NUP88: variants seen among roughly 807,000 people sequenced by gnomAD.
The protein encoded by NUP88 is nuclear pore complex protein Nup88.
Under a neutral mutation model 93.9 loss-of-function variants are expected in NUP88, and 57 were observed. The observed-to-expected ratio is 0.61, with a 90% CI of 0.49 to 0.76. The LOEUF is 0.76. Ranked by LOEUF, NUP88 falls within the 30% of genes least tolerant of loss-of-function variation. NUP88 has a pLI of 0.00. For missense variants in NUP88, 911 were observed against 901.0 expected, an observed-to-expected ratio of 1.01 and a Z score of -0.14; for synonymous variants, 346 against 336.8, an observed-to-expected ratio of 1.03 and a Z score of -0.30.
rs1913659203 is a variant in NUP88, at chr17:5,408,914, A to C, written c.681-5T>G. Reference sequence around the variant, plus strand: ...AGAGATGCGGTATACGCCCTTCTGGAAAGAGATGTAAAAACCAACTTGTTA... The same window carrying C: ...AGAGATGCGGTATACGCCCTTCTGGCAAGAGATGTAAAAACCAACTTGTTA... On this transcript the variant is annotated splice_polypyrimidine_tract_variant and splice_region_variant and intron_variant, in intron 4 of 16. Coordinates refer to ENST00000573584, the MANE Select transcript of NUP88 (RefSeq NM_002532.6). 6.5e-7 allele frequency: 1 copy of C among 1,545,308 alleles called. No individual in the cohort carries two copies. The highest frequency in any genetic ancestry group is 8.7e-7 in the Non-Finnish European group (1 of 1,149,488).
chr17:5,386,535 A>G (rs1428769873), intron 16 of NUP88, among the ~76,000 whole-genome samples, 173 bp downstream of exon 16: 2 of 121,086 alleles, frequency 1.7e-5, no homozygotes, highest in African/African-American at 5.9e-5. Context: ...ATCCCTTTCA[A>G]TCCTCCCACC....
intron 3 of NUP88, among the ~76,000 whole-genome samples, chr17:5,412,501 G>T (rs1913896089): frequency 6.6e-6 from 1 of 152,072 alleles, no homozygotes; most frequent in Non-Finnish European, 1.5e-5. Context: ...CATTCACTGG[G>T]GGGTCTTGGA....
intron 5 of NUP88, among the ~76,000 whole-genome samples, chr17:5,405,529 A>C (rs944394407): frequency 6.6e-6 from 1 of 152,194 alleles, no homozygotes; most frequent in Non-Finnish European, 1.5e-5. Flanking sequence ...TAGTGGTTAG[A>C]GGCTAGACAG....
intron 8 of NUP88, among the ~76,000 whole-genome samples, chr17:5,395,310 G>A (rs1912703096): frequency 7.5e-6 from 1 of 132,680 alleles, no homozygotes; most frequent in African/African-American, 3.0e-5. Context: ...GATCAGAAGT[G>A]TTTTGGATTT....
At chr17:5,415,467 T>C (rs1268089392) in intron 2 of NUP88, among the ~76,000 whole-genome samples, 1 of 152,230 alleles carries the variant, frequency 6.6e-6, no homozygotes, top group East Asian at 1.9e-4. Context: ...CAAGGGCAGA[T>C]ATTATCAATC....
intron 3 of NUP88, among the ~76,000 whole-genome samples, chr17:5,412,213 TAAG>T (rs1913879628): frequency 6.6e-6 from 1 of 152,192 alleles, no homozygotes; most frequent in East Asian, 1.9e-4. Flanking sequence ...AAAGGAAGAC[TAAG>T]AAGAGAGGAT....
intron 4 of NUP88, 110 bp from the exon 5 acceptor site, chr17:5,409,019 G>C (rs934266036): frequency 5.7e-6 from 5 of 882,232 alleles, no homozygotes; most frequent in Non-Finnish European, 8.3e-6. Flanking sequence ...AGGTGGGTAT[G>C]TATGGAATTT....
rs200534894 is a variant in NUP88 at position 5,386,721 on chromosome 17, T to G, written c.2149A>C (p.Ile717Leu). The change falls in exon 16 of 17, where the codon ATC becomes CTC. Residue 717 changes from isoleucine (I) to leucine (L), a missense_variant. Ile to Leu is a conservative substitution (Grantham distance 5). Coordinates refer to ENST00000573584, the MANE Select transcript of NUP88 (RefSeq NM_002532.6). ...GTATTTACTTACTCCTCTTTCAGGATGGACTGAATGCACTTTCGCTGGTAG... is the reference window on the plus strand; with the variant it reads ...GTATTTACTTACTCCTCTTTCAGGAGGGACTGAATGCACTTTCGCTGGTAG... Reference protein sequence around the residue: ...SAYQRKCIQSILKEEGEHIRE... With the variant: ...SAYQRKCIQSLLKEEGEHIRE... 359 of 1,605,144 alleles carry G rather than the reference T, an allele frequency of 2.2e-4. No individual in the cohort carries two copies. The highest frequency in any genetic ancestry group is 2.8e-4 in the Non-Finnish European group (326 of 1,171,896).
chr17:5,393,556 C>T (rs1220035756), intron 9 of NUP88, among the ~76,000 whole-genome samples: 1 of 151,768 alleles, frequency 6.6e-6, no homozygotes, highest in Admixed American at 6.6e-5. Context: ...CCTGCCTCAG[C>T]CTCCCGAGTA....
At position 5,410,558 on chromosome 17, in the gene NUP88, C is replaced by T. The variant is rs1182306450; in HGVS notation, c.680+145G>A. The T allele has an allele frequency of 6.6e-6, 4 of 604,110 alleles. No homozygotes were observed. The African/African-American group carries it at 7.4e-5, about 11-fold the overall frequency. 37.4% of individuals were successfully genotyped at this position (604,110 alleles called of 1,614,324 possible). A position where few individuals can be genotyped will look rare whatever the true frequency, so the allele number is the denominator to read the frequency against. On this transcript the variant is annotated intron_variant, in intron 4 of 16. Coordinates refer to ENST00000573584, the MANE Select transcript of NUP88 (RefSeq NM_002532.6). ...ACCAGCCTGGCCAACACGACGAATC[C>T]CTGTTCTACTAAAAATACACTTACT... is the stretch of plus-strand genomic sequence containing the variant.
At chr17:5,386,624 G>A (rs562252170) in intron 16 of NUP88, 84 bp downstream of exon 16, 1 of 920,592 alleles carries the variant, frequency 1.1e-6, no homozygotes, top group South Asian at 1.4e-5. Context: ...CAAGATTCAG[G>A]TTTCTATTAA....
intron 9 of NUP88, among the ~76,000 whole-genome samples, chr17:5,393,495 G>C (rs1389317356): frequency 7.0e-6 from 1 of 143,762 alleles, no homozygotes; most frequent in Non-Finnish European, 1.5e-5. Context: ...GGAGTGCAGT[G>C]GCATGATCTC....
At chr17:5,416,404 G>T in intron 2 of NUP88, 109 bp downstream of exon 2, 1 of 676,380 alleles carries the variant, frequency 1.5e-6, no homozygotes, top group Non-Finnish European at 2.4e-6. Context: ...ACCACGAGGA[G>T]TGTTTTAATG....
intron 6 of NUP88, among the ~76,000 whole-genome samples, chr17:5,404,665 C>T (rs1913387333): frequency 1.3e-5 from 2 of 152,068 alleles, no homozygotes; most frequent in South Asian, 4.1e-4. Context: ...AAAGCTGGGT[C>T]AAACAGTACT....
chr17:5,409,859 T>C (rs1388516569), intron 4 of NUP88, among the ~76,000 whole-genome samples: 1 of 152,170 alleles, frequency 6.6e-6, no homozygotes, highest in Non-Finnish European at 1.5e-5. Flanking sequence ...AGCAAGTCTG[T>C]GGTTAACTAG....
chr17:5,391,594 G>C lies in NUP88; in HGVS notation c.1451C>G (p.Thr484Ser). Residue 484 changes from threonine to serine, a missense_variant, in exon 10 of 17, where the codon ACC (threonine) becomes AGC (serine). By Grantham distance (58) the Thr-to-Ser change is moderately conservative. Transcript: ENST00000573584. ...DILGPTMICITSTYECLIWPL... is the reference protein window; with the variant it reads ...DILGPTMICISSTYECLIWPL... ...CCATATGAGGCATTCATAGGTACTG[G>C]TGATGCAGATCATCGTGGGTCCCAG... is the stretch of plus-strand genomic sequence containing the variant. The C allele has an allele frequency of 1.2e-6, 2 of 1,614,068 alleles. No homozygotes were observed.
At chr17:5,397,676 T>G (rs571300394) in intron 8 of NUP88, among the ~76,000 whole-genome samples, 39 of 152,206 alleles carry the variant, frequency 2.6e-4, no homozygotes, top group Non-Finnish European at 5.1e-4. Flanking sequence ...ACTAAGTCTG[T>G]GATGATTTAC....
intron 7 of NUP88, among the ~76,000 whole-genome samples, chr17:5,400,100 T>C (rs529387563): frequency 8.9e-5 from 12 of 134,686 alleles, no homozygotes; most frequent in African/African-American, 2.5e-4. Context: ...ATGGTGCCGA[T>C]AGACTTGCTT....
intron 9 of NUP88, 76 bp downstream of exon 9, chr17:5,394,815 G>T (rs909005386): frequency 1.0e-6 from 1 of 963,252 alleles, no homozygotes; most frequent in East Asian, 2.4e-5. Context: ...GGATGTGAGT[G>T]TAACGGATAC....
Sources: allele counts gnomAD v4.1 joint callset (sites outside exome capture counted in the v4.1 genomes callset), GRCh38; gene constraint gnomAD v4.1.1; transcripts MANE v1.5; gene names NCBI Gene and HGNC (gene_info 2026-07-23, HGNC 2026-07-21).